Variants in CCDC178 observed in about 807,000 individuals in gnomAD.
CCDC178 encodes coiled-coil domain-containing protein 178.
A neutral mutation model predicts 117.4 loss-of-function variants in CCDC178; 126 were observed. The ratio of observed to expected loss-of-function variants is 1.07; its 90% CI spans 0.93 to 1.24. The LOEUF is 1.24. CCDC178 is among the 50% of genes most tolerant of loss of function. The pLI is 0.00. For missense variants in CCDC178, 1,030 were observed against 986.9 expected (o/e 1.04, Z -0.59); for synonymous variants, 283 against 313.4 (o/e 0.90, Z 1.02).
At chr18:33,054,116 A>G (rs1401865344) in intron 21 of CCDC178, among the ~76,000 whole-genome samples, 2 of 152,126 alleles carry the variant, frequency 1.3e-5, no homozygotes, top group Non-Finnish European at 2.9e-5. Context: ...ACCCTTTCCT[A>G]TAATTATTAA....
At chr18:32,998,444 G>A (rs1000164086) in intron 21 of CCDC178, among the ~76,000 whole-genome samples, 2 of 151,996 alleles carry the variant, frequency 1.3e-5, no homozygotes, top group Non-Finnish European at 2.9e-5. Flanking sequence ...TGCTGTGCTC[G>A]GCTCAGAGAT....
At chr18:33,416,038 C>G (rs1236139465) in intron 2 of CCDC178, among the ~76,000 whole-genome samples, 1 of 152,178 alleles carries the variant, frequency 6.6e-6, no homozygotes, top group African/African-American at 2.4e-5. Context: ...CAACAAAAGC[C>G]TGCTTTCTTT....
At chr18:33,419,131 A>G (rs1247714338) in intron 2 of CCDC178, among the ~76,000 whole-genome samples, 1 of 152,200 alleles carries the variant, frequency 6.6e-6, no homozygotes, top group East Asian at 1.9e-4. Flanking sequence ...CCAGAAATAA[A>G]GCTGCACACT....
Position 33,267,114 on chromosome 18 carries a change from A to C in CCDC178, c.1273-62T>G, listed in dbSNP as rs184060523. ...CTAATTATCAAAAGGCAAAACCTAT[A>C]ATAATGAAATCACTTTTAGATATAT... On this transcript the variant is annotated intron_variant, in intron 13 of 22. Transcript: ENST00000383096. The C allele has an allele frequency of 1.3e-3, 1,985 of 1,526,326 alleles. 6 individuals carry two copies. Among genetic ancestry groups the C allele is most frequent in the South Asian group, 6.5e-3 (520 of 79,992 alleles). 94.5% of individuals were successfully genotyped at this position (1,526,326 alleles called of 1,614,324 possible).
chr18:33,072,775 G>A (rs2057132083), intron 21 of CCDC178, among the ~76,000 whole-genome samples: 1 of 151,988 alleles, frequency 6.6e-6, no homozygotes, highest in African/African-American at 2.4e-5. Flanking sequence ...TTGTATAAAG[G>A]TAGAACAATT....
In CCDC178 at chr18:32,946,788, C is replaced by CT. The variant is rs962957500; in HGVS notation, c.2524-8698dup. Among the ~76,000 whole-genome samples, 148 of 53,862 alleles carry CT rather than the reference C, an allele frequency of 2.7e-3. 1 individual carries two copies. Among genetic ancestry groups the CT allele is most frequent in the African/African-American group, 5.2e-3 (75 of 14,438 alleles). The allele number at this position is 53,862 out of a possible 152,430, so 35.3% of individuals were successfully genotyped here. On this transcript the variant is annotated intron_variant, in intron 22 of 22. Transcript: ENST00000383096. ...GTGTCTTTTTTTTCTTTTTCTTTTT[C>CT]TTTTTTTTTGAGACAGAGTCTCGCT...
chr18:33,427,590 T>C (rs2064140256), intron 2 of CCDC178, among the ~76,000 whole-genome samples: 2 of 152,184 alleles, frequency 1.3e-5, no homozygotes, highest in Non-Finnish European at 2.9e-5. Context: ...TTACATCCAA[T>C]AGATTAGAGT....
intron 20 of CCDC178, among the ~76,000 whole-genome samples, chr18:33,113,825 C>T (rs2057816135): frequency 6.6e-6 from 1 of 151,986 alleles, no homozygotes; most frequent in African/African-American, 2.4e-5. Context: ...ATATATATAA[C>T]CTAAAATCCA....
intron 20 of CCDC178, among the ~76,000 whole-genome samples, chr18:33,134,943 T>C (rs1446598321): frequency 6.6e-6 from 1 of 152,118 alleles, no homozygotes; most frequent in Non-Finnish European, 1.5e-5. Context: ...TCGTAATTTG[T>C]AGTGATCTAA....
At chr18:33,084,810 CA>C (rs34977807) in intron 21 of CCDC178, among the ~76,000 whole-genome samples, 1,545 of 125,498 alleles carry the variant, frequency 0.012, 15 homozygotes, top group African/African-American at 0.033. Context: ...GGCCCCGTCT[CA>C]AAAAAAAAAA....
In CCDC178 at chr18:33,229,996, T is replaced by C. The variant is rs186199263; in HGVS notation, c.1594-3141A>G. Reference sequence around the variant, plus strand: ...GAGTTCAAATTACCAAGAGGAAAAATGTCACAAGAACTATAGTGTGGTCTG... The same window carrying C: ...GAGTTCAAATTACCAAGAGGAAAAACGTCACAAGAACTATAGTGTGGTCTG... On this transcript the variant is annotated intron_variant, in intron 15 of 22. Coordinates refer to ENST00000383096, the MANE Select transcript of CCDC178 (RefSeq NM_001105528.4). 2.6e-5 allele frequency among the ~76,000 whole-genome samples: 4 copies of C among 152,202 alleles called. No individual in the cohort carries two copies. The East Asian group carries it at 7.7e-4, about 29-fold the overall frequency.
chr18:33,322,113 C>T (rs963342907), intron 11 of CCDC178, among the ~76,000 whole-genome samples: 1 of 151,642 alleles, frequency 6.6e-6, no homozygotes, highest in Non-Finnish European at 1.5e-5. Context: ...AGAATATAGC[C>T]TCAAAATATA....
chr18:33,348,935 T>A lies in CCDC178; in HGVS notation c.412A>T (p.Ser138Cys). ...ACCTCTTTCACTGGTGTAGTTACAC[T>A]CCAATCTTCTTTCAGGTCTTTTGTG... ...SSTKDLKEDW[S>C]VTTPVKEVKP... Residue 138 changes from serine (S) to cysteine (C), a missense_variant, in exon 8 of 23, where the codon AGT (serine) becomes TGT (cysteine). By Grantham distance (112) the Ser-to-Cys change is moderately radical. Transcript: ENST00000383096. 1 of 1,610,288 alleles carries A rather than the reference T, an allele frequency of 6.2e-7. No individual in the cohort carries two copies. Among genetic ancestry groups the A allele is most frequent in the Non-Finnish European group, 8.5e-7 (1 of 1,178,088 alleles).
At chr18:33,214,852 T>TA (rs1431925628) in intron 19 of CCDC178, among the ~76,000 whole-genome samples, 3 of 152,036 alleles carry the variant, frequency 2.0e-5, no homozygotes, top group Non-Finnish European at 4.4e-5. Flanking sequence ...ATGATTTTGC[T>TA]AATGCTTGTA....
chr18:33,051,657 CA>C (rs2056749942), intron 21 of CCDC178, among the ~76,000 whole-genome samples: 1 of 152,160 alleles, frequency 6.6e-6, no homozygotes, highest in African/African-American at 2.4e-5. Flanking sequence ...GGTGAGCAAA[CA>C]AATATAGCTC....
At position 33,026,587 on chromosome 18, in the gene CCDC178, G is replaced by T. The variant is rs78272751; in HGVS notation, c.2389-51906C>A. On this transcript the variant is annotated intron_variant, in intron 21 of 22. Coordinates refer to ENST00000383096, the MANE Select transcript of CCDC178 (RefSeq NM_001105528.4). Reference sequence around the variant, plus strand: ...TAGATGTACTAATACTATTAGAAAAGCAAAGTTAAATTGAAAATCTTAAAA... The same window carrying T: ...TAGATGTACTAATACTATTAGAAAATCAAAGTTAAATTGAAAATCTTAAAA... Among the ~76,000 whole-genome samples, 1,206 of 151,904 alleles carry T rather than the reference G, an allele frequency of 7.9e-3. 10 individuals carry two copies. The highest frequency in any genetic ancestry group is 9.6e-3 in the Non-Finnish European group (653 of 67,832).
intron 22 of CCDC178, among the ~76,000 whole-genome samples, chr18:32,942,587 T>C (rs553289321): frequency 6.6e-6 from 1 of 152,292 alleles, no homozygotes; most frequent in African/African-American, 2.4e-5. Flanking sequence ...TGTTAAGTCA[T>C]CTGTGTTTTC....
intron 21 of CCDC178, among the ~76,000 whole-genome samples, chr18:32,979,732 A>T (rs1280673521): frequency 6.6e-6 from 1 of 152,198 alleles, no homozygotes; most frequent in East Asian, 1.9e-4. Context: ...TAAAATTCAC[A>T]TGGAAGAATA....
intron 12 of CCDC178, among the ~76,000 whole-genome samples, chr18:33,282,389 A>C (rs749452124): frequency 2.0e-5 from 3 of 152,046 alleles, no homozygotes; most frequent in Non-Finnish European, 4.4e-5. Flanking sequence ...CCTGTGAGAG[A>C]CTTCAGCCCT....
Sources: allele counts gnomAD v4.1 joint callset (sites outside exome capture counted in the v4.1 genomes callset), GRCh38; gene constraint gnomAD v4.1.1; transcripts MANE v1.5; gene names NCBI Gene and HGNC (gene_info 2026-07-23, HGNC 2026-07-21).